PWWP2A: variants seen among roughly 807,000 people sequenced by gnomAD.
PWWP2A encodes the protein PWWP domain containing 2A.
A neutral mutation model predicts 48.5 loss-of-function variants in PWWP2A; 18 were observed. The observed-to-expected ratio is 0.37, with a 90% CI of 0.26 to 0.55. The LOEUF is 0.55. PWWP2A is among the 20% of genes least tolerant of loss of function. The pLI is 0.81. For missense variants in PWWP2A, 867 were observed against 976.4 expected (o/e 0.89, Z 1.49); for synonymous variants, 396 against 387.7 (o/e 1.02, Z -0.25).
chr5:160,056,059 A>G, the PWWP2A span, among the ~76,000 whole-genome samples: 3 of 152,196 alleles, frequency 2.0e-5, no homozygotes, highest in Admixed American at 2.0e-4. Context: ...TATGGCTTGT[A>G]TTCTGACCAT....
chr5:160,109,715 A>G (rs1757247921), intron 1 of PWWP2A, among the ~76,000 whole-genome samples: 1 of 143,728 alleles, frequency 7.0e-6, no homozygotes, highest in African/African-American at 2.6e-5. Context: ...CTGAGGGACA[A>G]TAACTATTTT....
At chr5:160,057,884 C>T (rs143137693), downstream of PWWP2A, among the ~76,000 whole-genome samples, 713 of 152,282 alleles carry the variant, frequency 4.7e-3, 9 homozygotes, top group African/African-American at 0.016. The surrounding 1 kb of genome is among the most constrained non-coding windows in gnomAD (Gnocchi z 4.4). Flanking sequence ...TCTTCTGCCT[C>T]AGCCTCCCAA....
intron 4 of PWWP2A, chr5:160,065,626 C>T (rs1279472679): frequency 6.1e-6 from 2 of 327,640 alleles, no homozygotes; most frequent in Non-Finnish European, 1.2e-5. Flanking sequence ...GTGTTGGTTT[C>T]AAGCAGGGTT....
chr5:160,083,572 C>CA (rs1440157757), intron 2 of PWWP2A, among the ~76,000 whole-genome samples: 3 of 152,174 alleles, frequency 2.0e-5, no homozygotes, highest in African/African-American at 4.8e-5. Context: ...CAAAAGCTGA[C>CA]AAATGTAGCT....
At chr5:160,065,668 G>T (rs1753585646) in intron 4 of PWWP2A, 1 of 278,682 alleles carries the variant, frequency 3.6e-6, no homozygotes, top group Non-Finnish European at 7.1e-6. Flanking sequence ...TCTGCCCAAA[G>T]TTTTTGTTGC....
chr5:160,065,410 G>C (rs1297496448), intron 4 of PWWP2A: 1 of 476,988 alleles, frequency 2.1e-6, no homozygotes, highest in African/African-American at 2.0e-5. Context: ...AAACAAACCT[G>C]TTGGTTGGGA....
chr5:160,082,722 C>T (rs188059344), intron 2 of PWWP2A, among the ~76,000 whole-genome samples: 11 of 152,184 alleles, frequency 7.2e-5, no homozygotes, highest in Admixed American at 5.9e-4. Flanking sequence ...TTTAGGATCT[C>T]GAGGCTTTTC....
chr5:160,093,875 T>A lies in PWWP2A; in HGVS notation c.775A>T (p.Thr259Ser), dbSNP rs774504086. The part of the protein sequence containing the change: ...PELSLAESLW[T>S]SKPPPLFHEG... ...TGGAAGAGAGGTGGTGGTTTGGAAG[T>A]CCACAGGCTTTCAGCCAAGCTCAGC... Residue 259 changes from threonine (T) to serine (S), a missense_variant, in exon 2 of 2, where the codon ACT (threonine) becomes TCT (serine). By Grantham distance (58) the Thr-to-Ser change is moderately conservative. This residue lies in a region of PWWP2A where 385 missense variants were observed against 396.9 expected (regional missense o/e 0.97). Transcript: ENST00000307063. The surrounding 1 kb of genome is among the most constrained non-coding windows in gnomAD (Gnocchi z 5.8). 9.9e-6 allele frequency: 16 copies of A among 1,613,932 alleles called. No homozygotes were observed. Among genetic ancestry groups the A allele is most frequent in the East Asian group, 8.9e-5 (4 of 44,900 alleles).
intron 1 of PWWP2A, among the ~76,000 whole-genome samples, chr5:160,108,813 C>T (rs537128522): frequency 6.6e-5 from 10 of 152,130 alleles, no homozygotes; most frequent in Non-Finnish European, 1.2e-4. Context: ...CTAGCTACCC[C>T]CTTTAATATG....
At chr5:160,045,186 A>G in the PWWP2A span, among the ~76,000 whole-genome samples, 1 of 152,160 alleles carries the variant, frequency 6.6e-6, no homozygotes, top group Non-Finnish European at 1.5e-5. Context: ...TTAGCATGGT[A>G]TGTTGTAAGA....
the PWWP2A span, among the ~76,000 whole-genome samples, chr5:160,054,065 G>A: frequency 5.3e-5 from 8 of 151,954 alleles, no homozygotes; most frequent in African/African-American, 1.9e-4. Flanking sequence ...CTGGAGTGGG[G>A]GTTGGTTGTT....
chr5:160,065,019 G>T (rs1194892307), intron 4 of PWWP2A: 1 of 1,613,484 alleles, frequency 6.2e-7, no homozygotes. Flanking sequence ...TCCTCTACCG[G>T]CTCGTACTCC....
At chr5:160,066,048 A>G (rs1753597243) in intron 4 of PWWP2A, among the ~76,000 whole-genome samples, 1 of 152,336 alleles carries the variant, frequency 6.6e-6, no homozygotes, top group South Asian at 2.1e-4. Context: ...TGCAGTAGTC[A>G]GTCATACTCC....
intron 1 of PWWP2A, among the ~76,000 whole-genome samples, chr5:160,114,065 G>A (rs899139037): frequency 6.6e-6 from 1 of 152,158 alleles, no homozygotes; most frequent in Admixed American, 6.5e-5. Flanking sequence ...CTCATAGAAA[G>A]CTCCTAATTT....
downstream of PWWP2A, among the ~76,000 whole-genome samples, chr5:160,072,663 A>G (rs1305622348): frequency 6.6e-6 from 1 of 152,116 alleles, no homozygotes; most frequent in Admixed American, 6.5e-5. Flanking sequence ...CACAAGGTTG[A>G]GGCTGCAGTG....
At chr5:160,065,213 C>G in intron 4 of PWWP2A, 4 of 1,086,462 alleles carry the variant, frequency 3.7e-6, no homozygotes, top group East Asian at 2.5e-5. Flanking sequence ...CCTTGTCCCT[C>G]TTTTATGATC....
At chr5:160,115,408 C>T (rs1758018664) in intron 1 of PWWP2A, among the ~76,000 whole-genome samples, 1 of 151,682 alleles carries the variant, frequency 6.6e-6, no homozygotes, top group South Asian at 2.1e-4. Context: ...GATACAAAAA[C>T]AGGCTGGGCA....
the PWWP2A span, among the ~76,000 whole-genome samples, chr5:160,045,547 C>T: frequency 6.8e-6 from 1 of 146,518 alleles, no homozygotes; most frequent in Non-Finnish European, 1.5e-5. Flanking sequence ...CTCTCTCTCT[C>T]TCTCTCCCCC....
chr5:160,095,075 A>AAAAAAAAAAC (rs1755489526), intron 1 of PWWP2A, among the ~76,000 whole-genome samples: 1 of 147,480 alleles, frequency 6.8e-6, no homozygotes, highest in Non-Finnish European at 1.5e-5. Flanking sequence ...AAAAAAAAAA[A>AAAAAAAAAAC]AAGACTACTT....
Sources: gnomAD v4.1 joint callset for allele counts (sites outside exome capture counted in the v4.1 genomes callset) on GRCh38, gnomAD v4.1.1 for gene constraint, gnomAD v4.1.1 regional missense constraint, Gnocchi (gnomAD v3.1) non-coding constraint, MANE v1.5 for transcripts, NCBI Gene and HGNC (gene_info 2026-07-23, HGNC 2026-07-21) for gene names.